The following GPHN variants were observed in gnomAD, a reference collection of about 807,000 sequenced individuals.
GPHN encodes the protein gephyrin.
A neutral mutation model predicts 95.5 loss-of-function variants in GPHN; 17 were observed. The ratio of observed to expected loss-of-function variants is 0.18; its 90% CI spans 0.12 to 0.27. The LOEUF (loss-of-function observed/expected upper bound fraction) is 0.27, where lower values mean the gene tolerates loss of function less well. Among genes scored for constraint, GPHN ranks in the 10% least tolerant of loss-of-function variants. GPHN has a pLI of 1.00. For missense variants in GPHN, 660 were observed against 978.1 expected (o/e 0.67, Z 4.34); for synonymous variants, 320 against 322.5 (o/e 0.99, Z 0.08).
the GPHN span, chr14:67,651,633 T>C: frequency 1.3e-6 from 1 of 751,086 alleles, no homozygotes; most frequent in Non-Finnish European, 2.1e-6. Context: ...TAAGGTTCTT[T>C]AGCTGTCACT....
At chr14:67,676,361 G>A in the GPHN span, among the ~76,000 whole-genome samples, 2 of 152,178 alleles carry the variant, frequency 1.3e-5, no homozygotes, top group East Asian at 1.9e-4. Context: ...AGGATAGTCA[G>A]TATACTGTGT....
In GPHN at chr14:67,036,147, C is replaced by T. The variant is rs144875701; in HGVS notation, c.1006+12472C>T. On this transcript the variant is annotated intron_variant, in intron 10 of 22. Coordinates refer to ENST00000478722, the MANE Select transcript of GPHN (RefSeq NM_020806.5). ...AATCACATGATCATCTCAAAAGGTG[C>T]AGAAAATGCATTTTAGAAAATTCAG... Among the ~76,000 whole-genome samples, 386 of 151,810 alleles carry T rather than the reference C, an allele frequency of 2.5e-3. 3 individuals carry two copies. Among genetic ancestry groups the T allele is most frequent in the Middle Eastern group, 6.8e-3 (2 of 294 alleles).
At chr14:67,409,658 T>C in the GPHN span, among the ~76,000 whole-genome samples, 6 of 152,096 alleles carry the variant, frequency 3.9e-5, no homozygotes, top group African/African-American at 1.4e-4. Flanking sequence ...ACTCTGCTTC[T>C]TTCTCGTCTG....
chr14:67,122,190 T>G (rs2079048918), intron 16 of GPHN, 66 bp from the exon 17 acceptor site: 2 of 1,547,300 alleles, frequency 1.3e-6, no homozygotes, highest in Admixed American at 3.3e-5. Flanking sequence ...AGTAGATTTT[T>G]TTTTCATTAG....
chr14:67,210,771 G>A, the GPHN span, among the ~76,000 whole-genome samples: 1 of 152,012 alleles, frequency 6.6e-6, no homozygotes, highest in East Asian at 1.9e-4. Flanking sequence ...CCAGCACTTA[G>A]GGAGGCCGAG....
chr14:67,454,215 T>A, the GPHN span: 6 of 152,254 alleles, frequency 3.9e-5, no homozygotes, highest in African/African-American at 1.4e-4. Context: ...GCTTAATGCT[T>A]ACAAGGCACT....
the GPHN span, among the ~76,000 whole-genome samples, chr14:67,209,982 ATAAT>A: frequency 9.2e-5 from 14 of 152,190 alleles, no homozygotes; most frequent in Non-Finnish European, 2.9e-5. Flanking sequence ...AACCTCACTA[ATAAT>A]TAAAGAAATA....
At chr14:66,667,182 A>T (rs571787486) in intron 1 of GPHN, among the ~76,000 whole-genome samples, 21 of 152,350 alleles carry the variant, frequency 1.4e-4, no homozygotes, top group Admixed American at 8.5e-4. Flanking sequence ...GGATAGGAAG[A>T]ATCAGTATTG....
At chr14:67,122,466 C>A in intron 17 of GPHN, 89 bp downstream of exon 17, 1 of 1,129,896 alleles carries the variant, frequency 8.9e-7, no homozygotes, top group Non-Finnish European at 1.3e-6. Flanking sequence ...GCTAAAGAGA[C>A]AGAAATTTAA....
intron 17 of GPHN, among the ~76,000 whole-genome samples, chr14:67,127,256 A>T (rs936997639): frequency 9.9e-5 from 15 of 151,018 alleles, no homozygotes; most frequent in African/African-American, 3.6e-4. Flanking sequence ...AGTATAATAA[A>T]AAAAAAAAAA....
At chr14:67,434,335 C>T in the GPHN span, among the ~76,000 whole-genome samples, 3 of 152,152 alleles carry the variant, frequency 2.0e-5, no homozygotes, top group Admixed American at 6.5e-5. Context: ...TCCTTTGATT[C>T]CATAATCCTA....
chr14:66,692,997 T>C (rs974249472), intron 2 of GPHN, among the ~76,000 whole-genome samples: 3 of 151,968 alleles, frequency 2.0e-5, no homozygotes, highest in African/African-American at 7.2e-5. Context: ...TCTATTGATA[T>C]TTACTATGTT....
intron 3 of GPHN, among the ~76,000 whole-genome samples, chr14:66,779,465 A>AAT (rs1211324246): frequency 2.0e-5 from 3 of 152,126 alleles, no homozygotes; most frequent in African/African-American, 7.2e-5. Flanking sequence ...GCAATTAATA[A>AAT]ATATATATAA....
the GPHN span, among the ~76,000 whole-genome samples, chr14:67,444,737 G>A: frequency 2.6e-5 from 4 of 152,242 alleles, no homozygotes; most frequent in Non-Finnish European, 2.9e-5. Context: ...GAGGGAAGCC[G>A]GGCTAGAGAC....
At chr14:67,575,461 C>A in the GPHN span, 1 of 1,601,800 alleles carries the variant, frequency 6.2e-7, no homozygotes, top group Admixed American at 1.7e-5. Flanking sequence ...CTATCGGAGC[C>A]ATGAGGACAA....
the GPHN span, chr14:67,651,085 T>C: frequency 2.3e-5 from 22 of 939,878 alleles, no homozygotes; most frequent in Non-Finnish European, 3.5e-5. Flanking sequence ...TGACCAATAC[T>C]ACTGTAAATG....
the GPHN span, chr14:67,571,464 C>A: frequency 2.9e-6 from 1 of 344,612 alleles, no homozygotes; most frequent in Admixed American, 3.8e-5. Context: ...GCTTTCTGGC[C>A]CCCTAGTGGC....
At chr14:66,515,857 C>G (rs2058219546) in intron 1 of GPHN, among the ~76,000 whole-genome samples, 1 of 152,224 alleles carries the variant, frequency 6.6e-6, no homozygotes, top group African/African-American at 2.4e-5. Context: ...TATTCTAGCA[C>G]TACTGTGAAA....
the GPHN span, among the ~76,000 whole-genome samples, chr14:67,411,080 G>A: frequency 2.9e-4 from 43 of 149,262 alleles, no homozygotes; most frequent in African/African-American, 9.7e-4. Context: ...CTGGGAAGTC[G>A]AGGCTGTGGT....
Sources: gnomAD v4.1 joint callset for allele counts (sites outside exome capture counted in the v4.1 genomes callset) on GRCh38, gnomAD v4.1.1 for gene constraint, MANE v1.5 for transcripts, NCBI Gene and HGNC (gene_info 2026-07-23, HGNC 2026-07-21) for gene names.